Variants in CNTNAP4 observed in about 807,000 individuals in gnomAD.
CNTNAP4 encodes contactin associated protein family member 4, also known as contactin-associated protein-like 4.
Under a neutral mutation model 148.4 loss-of-function variants are expected in CNTNAP4, and 98 were observed. The observed-to-expected ratio is 0.66, with a 90% confidence interval of 0.56 to 0.78. CNTNAP4 has a LOEUF of 0.78. Among genes scored for constraint, CNTNAP4 ranks in the 30% least tolerant of loss-of-function variants. The pLI, the probability that CNTNAP4 is intolerant of heterozygous loss-of-function variation, is 0.00. For missense variants in CNTNAP4, 1,935 were observed against 1,565.6 expected (o/e 1.24, Z -3.98); for synonymous variants, 730 against 565.1 (o/e 1.29, Z -4.14).
rs1597769489 is a variant in CNTNAP4, at chr16:76,505,427, C to G, written c.2365+6733C>G. 5.1e-5 allele frequency among the ~76,000 whole-genome samples: 5 copies of G among 97,582 alleles called. 2 individuals carry two copies. The South Asian group carries it at 1.6e-3, about 32-fold the overall frequency. 64.0% of individuals were successfully genotyped at this position (97,582 alleles called of 152,430 possible). On this transcript the variant is annotated intron_variant, in intron 15 of 23. Coordinates refer to ENST00000611870, the MANE Select transcript of CNTNAP4 (RefSeq NM_033401.5). ...AATTTCTAAGATATTCTGGAAAAGT[C>G]AAAACCATAGGAACAGAAAAAGGAT...
At chr16:76,501,282 G>A (rs2082631696) in intron 15 of CNTNAP4, among the ~76,000 whole-genome samples, 1 of 152,210 alleles carries the variant, frequency 6.6e-6, no homozygotes, top group Non-Finnish European at 1.5e-5. Context: ...TTTCATGGCT[G>A]TAGAGAAGTT....
At chr16:76,327,342 C>T (rs942330446) in intron 2 of CNTNAP4, among the ~76,000 whole-genome samples, 11 of 152,258 alleles carry the variant, frequency 7.2e-5, no homozygotes, top group East Asian at 3.9e-4. Context: ...TTTAGGATAA[C>T]GGTTTCTAGC....
intron 1 of CNTNAP4, among the ~76,000 whole-genome samples, chr16:76,308,481 G>A (rs549325658): frequency 1.0e-3 from 156 of 152,212 alleles, no homozygotes; most frequent in African/African-American, 2.7e-3. Context: ...TCCACACACC[G>A]TCAGGCACCA....
chr16:76,409,912 A>G (rs1479685428), intron 3 of CNTNAP4, among the ~76,000 whole-genome samples: 1 of 151,904 alleles, frequency 6.6e-6, no homozygotes. Context: ...TCACAACTGC[A>G]TGTTATTGAG....
intron 9 of CNTNAP4, among the ~76,000 whole-genome samples, chr16:76,465,844 A>G (rs959008060): frequency 7.9e-5 from 12 of 152,228 alleles, no homozygotes; most frequent in African/African-American, 2.4e-4. Flanking sequence ...GTTAAAATAA[A>G]ATGTTTCGGT....
intron 12 of CNTNAP4, among the ~76,000 whole-genome samples, chr16:76,485,804 A>G (rs149056135): frequency 6.6e-6 from 1 of 152,360 alleles, no homozygotes; most frequent in African/African-American, 2.4e-5. Context: ...CTTAACAGCT[A>G]TGAGGGTTAA....
At chr16:76,354,276 T>G (rs1370929060) in intron 2 of CNTNAP4, among the ~76,000 whole-genome samples, 3 of 152,224 alleles carry the variant, frequency 2.0e-5, no homozygotes, top group African/African-American at 7.2e-5. Flanking sequence ...CAAATTATTA[T>G]ATTAAACTGG....
intron 4 of CNTNAP4, among the ~76,000 whole-genome samples, chr16:76,429,268 G>A (rs774230367): frequency 7.2e-5 from 11 of 152,194 alleles, no homozygotes; most frequent in Middle Eastern, 3.4e-3. Flanking sequence ...TCTTTGGATC[G>A]TAGAGCTTAG....
At chr16:76,381,304 C>G (rs1023952389) in intron 3 of CNTNAP4, among the ~76,000 whole-genome samples, 6 of 152,122 alleles carry the variant, frequency 3.9e-5, no homozygotes, top group African/African-American at 1.4e-4. Context: ...AGTCCCGAAA[C>G]CTGACATTGA....
intron 3 of CNTNAP4, among the ~76,000 whole-genome samples, chr16:76,418,258 G>A (rs901807285): frequency 6.7e-5 from 10 of 150,200 alleles, no homozygotes; most frequent in Admixed American, 6.6e-5. Context: ...GTTTATAATT[G>A]CCCACAATTC....
intron 2 of CNTNAP4, among the ~76,000 whole-genome samples, chr16:76,336,862 A>T (rs932244975): frequency 7.2e-5 from 11 of 152,156 alleles, no homozygotes; most frequent in East Asian, 5.8e-4. Flanking sequence ...AATATCCAGA[A>T]ATCTCTGTTA....
intron 11 of CNTNAP4, among the ~76,000 whole-genome samples, chr16:76,477,434 C>T (rs367580546): frequency 3.5e-4 from 53 of 152,126 alleles, no homozygotes; most frequent in African/African-American, 1.3e-3. Context: ...AGTCTCACCA[C>T]CCTTGGTCTA....
At chr16:76,402,539 C>T (rs768573953) in intron 3 of CNTNAP4, among the ~76,000 whole-genome samples, 1 of 151,942 alleles carries the variant, frequency 6.6e-6, no homozygotes, top group East Asian at 1.9e-4. Context: ...AATGGCTTTT[C>T]GTTTCTTGAT....
rs1459608386 is a variant in CNTNAP4 at position 76,508,557 on chromosome 16, C to A, written c.2365+9863C>A. Among the ~76,000 whole-genome samples, 10 of 90,616 alleles carry A rather than the reference C, an allele frequency of 1.1e-4. 1 individual carries two copies. Among genetic ancestry groups the A allele is most frequent in the African/African-American group, 2.7e-4 (10 of 37,068 alleles). The allele number at this position is 90,616 out of a possible 152,430, so 59.4% of individuals were successfully genotyped here. A position where few individuals can be genotyped will look rare whatever the true frequency, so the allele number is the denominator to read the frequency against. On this transcript the variant is annotated intron_variant, in intron 15 of 23. Coordinates refer to ENST00000611870, the MANE Select transcript of CNTNAP4 (RefSeq NM_033401.5). ...TTTTTTTTGTTCACTTTTTTATTAC[C>A]AACCAATAATTTATATGCAAGAAAC...
chr16:76,487,054 T>G (rs2082053956), intron 12 of CNTNAP4, among the ~76,000 whole-genome samples: 1 of 152,200 alleles, frequency 6.6e-6, no homozygotes, highest in South Asian at 2.1e-4. Flanking sequence ...ATTGGCAAGA[T>G]AACTCCTTAA....
rs151018127 is a variant in CNTNAP4 at position 76,390,131 on chromosome 16, C to G, written c.390+34620C>G. On this transcript the variant is annotated intron_variant, in intron 3 of 23. Transcript: ENST00000611870. ...TTTATCCATCATCTCCAGGCAGTCACTGGATGAGGACTTAGCCTTCCTCCC... is the reference window on the plus strand; with the variant it reads ...TTTATCCATCATCTCCAGGCAGTCAGTGGATGAGGACTTAGCCTTCCTCCC... 2.8e-4 allele frequency among the ~76,000 whole-genome samples: 43 copies of G among 152,286 alleles called. No homozygotes were observed. The East Asian group carries it at 8.3e-3, about 29-fold the overall frequency.
intron 3 of CNTNAP4, among the ~76,000 whole-genome samples, chr16:76,414,392 T>C (rs1199919461): frequency 1.3e-5 from 2 of 151,442 alleles, no homozygotes; most frequent in Admixed American, 6.6e-5. Flanking sequence ...TATGATTTAT[T>C]ATTTTTTCTA....
intron 3 of CNTNAP4, among the ~76,000 whole-genome samples, chr16:76,408,323 A>C (rs927668902): frequency 1.1e-4 from 15 of 141,686 alleles, no homozygotes; most frequent in Admixed American, 3.3e-4. Context: ...TAAGCTTCTT[A>C]CATAGAACTA....
At chr16:76,442,207 C>G (rs1188686763) in intron 4 of CNTNAP4, among the ~76,000 whole-genome samples, 1 of 151,908 alleles carries the variant, frequency 6.6e-6, no homozygotes, top group African/African-American at 2.4e-5. Context: ...ACACTGGTCA[C>G]ATGAAGGAAG....
Sources: allele counts gnomAD v4.1 joint callset (sites outside exome capture counted in the v4.1 genomes callset), GRCh38; gene constraint gnomAD v4.1.1; transcripts MANE v1.5; gene names NCBI Gene and HGNC (gene_info 2026-07-23, HGNC 2026-07-21).